The following OLA1 variants were observed in gnomAD, a reference collection of about 807,000 sequenced individuals.
The protein encoded by OLA1 is obg-like ATPase 1.
In OLA1, 14 loss-of-function variants were observed where a neutral mutation model predicts 48.4. That is an observed-to-expected ratio of 0.29 (90% CI 0.19 to 0.45). The LOEUF is 0.45. OLA1 is among the 20% of genes least tolerant of loss of function. The pLI is 1.00. For missense variants in OLA1, 325 were observed against 467.1 expected (o/e 0.70, Z 2.80); for synonymous variants, 127 against 150.4 (o/e 0.84, Z 1.14).
intron 2 of OLA1, among the ~76,000 whole-genome samples, chr2:174,238,521 A>G (rs1215399965): frequency 6.6e-6 from 1 of 151,776 alleles, no homozygotes; most frequent in Non-Finnish European, 1.5e-5. Flanking sequence ...AAAGAGAAAA[A>G]ACACCAATCA....
intron 4 of OLA1, among the ~76,000 whole-genome samples, chr2:174,159,317 G>A (rs1321763702): frequency 6.6e-6 from 1 of 151,888 alleles, no homozygotes; most frequent in Admixed American, 6.6e-5. Flanking sequence ...CGGCTATATT[G>A]GTCTACTTTG....
chr2:174,135,239 T>C (rs184249246), intron 5 of OLA1, among the ~76,000 whole-genome samples: 6 of 147,482 alleles, frequency 4.1e-5, no homozygotes, highest in Admixed American at 2.7e-4. Context: ...TCATGTAAAA[T>C]CAGTACGTTT....
At chr2:174,147,784 C>A (rs1214659661) in intron 4 of OLA1, among the ~76,000 whole-genome samples, 1 of 152,136 alleles carries the variant, frequency 6.6e-6, no homozygotes. Flanking sequence ...AATAAACATG[C>A]ATTGTTTATA....
chr2:174,157,681 A>G (rs1686918492), intron 4 of OLA1, among the ~76,000 whole-genome samples: 1 of 152,156 alleles, frequency 6.6e-6, no homozygotes, highest in Admixed American at 6.5e-5. Flanking sequence ...CATAATGTCA[A>G]TGGATTTTGA....
intron 10 of OLA1, among the ~76,000 whole-genome samples, chr2:174,078,665 G>C (rs1404061304): frequency 6.6e-6 from 1 of 151,506 alleles, no homozygotes. Flanking sequence ...TTTTTCATTG[G>C]CCATGAGTGA....
At chr2:174,196,941 G>A (rs1687890098) in intron 4 of OLA1, among the ~76,000 whole-genome samples, 1 of 150,984 alleles carries the variant, frequency 6.6e-6, no homozygotes, top group Admixed American at 6.6e-5. Context: ...ATAAGACAAT[G>A]TATTGATATA....
chr2:174,183,746 A>G (rs1426032499), intron 4 of OLA1, among the ~76,000 whole-genome samples: 1 of 152,226 alleles, frequency 6.6e-6, no homozygotes, highest in African/African-American at 2.4e-5. Context: ...TAATAGTAGT[A>G]CTTTCCTCTT....
chr2:174,133,788 A>G (rs370330431), intron 5 of OLA1, among the ~76,000 whole-genome samples: 4 of 148,158 alleles, frequency 2.7e-5, no homozygotes, highest in African/African-American at 9.7e-5. Flanking sequence ...TTTTTAAAAA[A>G]ATTACATAAA....
chr2:174,161,256 G>C (rs568110293), intron 4 of OLA1, among the ~76,000 whole-genome samples: 31 of 152,060 alleles, frequency 2.0e-4, no homozygotes, highest in Non-Finnish European at 3.5e-4. Flanking sequence ...ATAAGTTATA[G>C]TAACAAAAGC....
intron 7 of OLA1, among the ~76,000 whole-genome samples, chr2:174,122,362 T>C (rs1422090586): frequency 6.6e-6 from 1 of 152,232 alleles, no homozygotes; most frequent in East Asian, 1.9e-4. Flanking sequence ...TGATATCATA[T>C]GGAAATGAGA....
chr2:174,203,662 T>A (rs543115193), intron 4 of OLA1, among the ~76,000 whole-genome samples: 1 of 152,058 alleles, frequency 6.6e-6, no homozygotes, highest in South Asian at 2.1e-4. Context: ...ACATGATGGT[T>A]CCCCAGCTCC....
intron 4 of OLA1, among the ~76,000 whole-genome samples, chr2:174,213,612 A>G (rs1454216434): frequency 6.6e-6 from 1 of 152,226 alleles, no homozygotes; most frequent in African/African-American, 2.4e-5. Flanking sequence ...TATTGGCTCA[A>G]TGAGCCCTAG....
At chr2:174,207,381 A>G (rs1688141286) in intron 4 of OLA1, among the ~76,000 whole-genome samples, 1 of 152,208 alleles carries the variant, frequency 6.6e-6, no homozygotes, top group African/African-American at 2.4e-5. Context: ...AGGAACAGTG[A>G]TATAAAACAG....
chr2:174,164,363 A>G (rs562418293), intron 4 of OLA1, among the ~76,000 whole-genome samples: 13 of 150,790 alleles, frequency 8.6e-5, no homozygotes, highest in African/African-American at 2.7e-4. Context: ...CATTCTGCAT[A>G]GTGCAGAATG....
intron 7 of OLA1, among the ~76,000 whole-genome samples, chr2:174,099,555 T>C (rs1402992117): frequency 3.3e-5 from 5 of 152,154 alleles, no homozygotes; most frequent in Non-Finnish European, 7.3e-5. Flanking sequence ...TATACTCCAT[T>C]CTCTGGCCAT....
chr2:174,113,603 ATGT>A (rs1418275537), intron 7 of OLA1, among the ~76,000 whole-genome samples: 1 of 152,212 alleles, frequency 6.6e-6, no homozygotes, highest in Non-Finnish European at 1.5e-5. Flanking sequence ...AAACCCACAA[ATGT>A]TGTCTTGAGA....
intron 3 of OLA1, among the ~76,000 whole-genome samples, chr2:174,224,272 C>T (rs928277655): frequency 2.6e-5 from 4 of 152,286 alleles, no homozygotes; most frequent in African/African-American, 9.6e-5. Context: ...GCCTCCCCAG[C>T]ATCCACTGCC....
At chr2:174,221,444 C>T (rs1688499814) in intron 4 of OLA1, among the ~76,000 whole-genome samples, 2 of 152,156 alleles carry the variant, frequency 1.3e-5, no homozygotes, top group South Asian at 4.2e-4. Flanking sequence ...TACACTCAAC[C>T]TACCTGTTCT....
intron 4 of OLA1, among the ~76,000 whole-genome samples, chr2:174,150,875 A>G (rs1210811795): frequency 1.3e-5 from 2 of 152,244 alleles, no homozygotes; most frequent in African/African-American, 4.8e-5. Context: ...CATAATTAAT[A>G]ACAGGTAGCA....
Sources: gnomAD v4.1 joint callset for allele counts (sites outside exome capture counted in the v4.1 genomes callset) on GRCh38, gnomAD v4.1.1 for gene constraint, MANE v1.5 for transcripts, NCBI Gene and HGNC (gene_info 2026-07-23, HGNC 2026-07-21) for gene names.